The following DNAJC9 variants were observed in gnomAD, a reference collection of about 807,000 sequenced individuals.
DNAJC9 encodes DnaJ heat shock protein family (Hsp40) member C9, also known as dnaJ homolog subfamily C member 9.
Under a neutral mutation model 32.4 loss-of-function variants are expected in DNAJC9, and 18 were observed. That is an observed-to-expected ratio of 0.56 (90% CI 0.38 to 0.82). The LOEUF (loss-of-function observed/expected upper bound fraction) is 0.82. Among genes scored for constraint, DNAJC9 ranks in the 40% least tolerant of loss-of-function variants. The probability of loss-of-function intolerance (pLI) is 0.00; values close to 1 mark genes in which losing one functional copy is unlikely to be tolerated. For missense variants in DNAJC9, 310 were observed against 321.8 expected (o/e 0.96, Z 0.28); for synonymous variants, 113 against 122.1 (o/e 0.93, Z 0.49).
Position 73,247,034 on chromosome 10 carries a change from C to G in DNAJC9, c.156G>C (p.Lys52Asn). The G allele has an allele frequency of 1.3e-6, 2 of 1,534,466 alleles. No homozygotes were observed. The change falls in exon 1 of 5, where the codon AAG becomes AAC. Residue 52 changes from lysine (K) to asparagine (N), a missense_variant. By Grantham distance (94) the Lys-to-Asn change is moderately conservative. Transcript: ENST00000372950. ...VHPDRVGEGD[K>N]EDATRRFQIL... ...CCTGGAAGCGGCGGGTGGCGTCCTCCTTGTCGCCCTCACCCACCCGGTCCG... is the reference window on the plus strand; with the variant it reads ...CCTGGAAGCGGCGGGTGGCGTCCTCGTTGTCGCCCTCACCCACCCGGTCCG...
Position 73,247,046 on chromosome 10 carries a change from A to ACC in DNAJC9, c.142_143dup (p.Glu49ValfsTer63). 2 of 1,558,616 alleles carry ACC rather than the reference A, an allele frequency of 1.3e-6. No individual in the cohort carries two copies. The highest frequency in any genetic ancestry group is 1.7e-6 in the Non-Finnish European group (2 of 1,152,156). On this transcript the variant is annotated frameshift_variant, in exon 1 of 5. Coordinates refer to ENST00000372950, the MANE Select transcript of DNAJC9 (RefSeq NM_015190.5). LOFTEE classifies it high-confidence loss of function. The stretch of plus-strand genomic sequence containing the variant: ...GGGTGGCGTCCTCCTTGTCGCCCTC[A>ACC]CCCACCCGGTCCGGGTGTACCTGCA...
chr10:73,246,991 G>GT lies in DNAJC9; in HGVS notation c.180+18_180+19insA. On this transcript the variant is annotated intron_variant, in intron 1 of 4. Coordinates refer to ENST00000372950, the MANE Select transcript of DNAJC9 (RefSeq NM_015190.5). Reference sequence around the variant, plus strand: ...GAGGCCCGCGCAGCCGGTCGGCTTCGGGGCGGGACCCTGCATACCTGGAAG... The same window carrying GT: ...GAGGCCCGCGCAGCCGGTCGGCTTCGTGGGCGGGACCCTGCATACCTGGAAG... 6.4e-7 allele frequency: 1 copy of GT among 1,551,024 alleles called. No individual in the cohort carries two copies. Among genetic ancestry groups the GT allele is most frequent in the Non-Finnish European group, 8.7e-7 (1 of 1,148,686 alleles).
At chr10:73,236,194 T>C (rs1246641715), downstream of DNAJC9, among the ~76,000 whole-genome samples, 2 of 150,780 alleles carry the variant, frequency 1.3e-5, no homozygotes, top group African/African-American at 4.9e-5. Flanking sequence ...ATTAGTTTCC[T>C]AGGGCTTAAG....
downstream of DNAJC9, chr10:73,241,027 G>T: frequency 6.7e-7 from 1 of 1,494,132 alleles, no homozygotes; most frequent in South Asian, 1.2e-5. Context: ...TAAGGCAAAT[G>T]AGAAGAATCT....
downstream of DNAJC9, chr10:73,239,481 T>C: frequency 1.2e-6 from 1 of 869,356 alleles, no homozygotes; most frequent in Non-Finnish European, 1.8e-6. Context: ...TTCTTTCAGA[T>C]TTTCTTGGAT....
rs2043750600 is a variant in DNAJC9, at chr10:73,233,180, G to C, written n.147+10663C>G. 12 of 1,504,112 alleles carry C rather than the reference G, an allele frequency of 8.0e-6. No individual in the cohort carries two copies. In the East Asian group the frequency reaches 2.7e-4, roughly 34 times the overall value. 93.2% of individuals were successfully genotyped at this position (1,504,112 alleles called of 1,614,324 possible). A position where few individuals can be genotyped will look rare whatever the true frequency, so the allele number is the denominator to read the frequency against. ...AGCCCGAGTGTAGGTTTCAAAAGCA[G>C]AACTTCTGGAAACCGTGGTAAAACT... On this transcript the variant is annotated intron_variant and non_coding_transcript_variant, in intron 2 of 2. Coordinates refer to the DNAJC9 transcript ENST00000469143.
At chr10:73,244,040 A>G in intron 3 of DNAJC9, 111 bp from the exon 4 acceptor site, 3 of 822,432 alleles carry the variant, frequency 3.6e-6, no homozygotes, top group Non-Finnish European at 5.8e-6. Flanking sequence ...ATATATGAAT[A>G]GACAAAATGA....
downstream of DNAJC9, among the ~76,000 whole-genome samples, chr10:73,236,252 C>T (rs2043818765): frequency 6.6e-6 from 1 of 152,098 alleles, no homozygotes; most frequent in African/African-American, 2.4e-5. Context: ...ATTTTTTCCT[C>T]ACAGTTCCAG....
chr10:73,241,056 C>T (rs571629113), downstream of DNAJC9: 13 of 1,180,236 alleles, frequency 1.1e-5, no homozygotes, highest in East Asian at 5.2e-5. Flanking sequence ...GCAGGAAACA[C>T]GAGATTTCAT....
At chr10:73,237,088 C>T (rs550057412), downstream of DNAJC9, among the ~76,000 whole-genome samples, 1 of 152,292 alleles carries the variant, frequency 6.6e-6, no homozygotes, top group South Asian at 2.1e-4. Flanking sequence ...ATACCAGTCG[C>T]TGAATTTAGG....
chr10:73,246,606 T>C, intron 2 of DNAJC9, 82 bp downstream of exon 2: 4 of 1,490,970 alleles, frequency 2.7e-6, no homozygotes, highest in South Asian at 1.2e-5. Flanking sequence ...TAACACAAAA[T>C]ACAAGATCTT....
In DNAJC9 at chr10:73,243,916, G is replaced by T; in HGVS notation, c.590C>A (p.Ala197Asp). ...CTTTCTGCTCATTTCTGCTTCTTTG[G>T]CCTCTTCCTGAGCCTGAAACAGGAA... Reference protein sequence around the residue: ...NARKRRAQEEAKEAEMSRKEL... With the variant: ...NARKRRAQEEDKEAEMSRKEL... Residue 197 changes from alanine (A) to aspartate (D), a missense_variant, in exon 4 of 5, where the codon GCC becomes GAC. By Grantham distance (126) the Ala-to-Asp change is moderately radical. Coordinates refer to ENST00000372950, the MANE Select transcript of DNAJC9 (RefSeq NM_015190.5). The T allele has an allele frequency of 6.2e-7, 1 of 1,613,880 alleles. No homozygotes were observed. The highest frequency in any genetic ancestry group is 8.5e-7 in the Non-Finnish European group (1 of 1,179,956).
chr10:73,240,062 C>G (rs576042407), downstream of DNAJC9, among the ~76,000 whole-genome samples: 2 of 152,230 alleles, frequency 1.3e-5, no homozygotes, highest in South Asian at 4.1e-4. Context: ...ATAGCTAGGG[C>G]TACAAGCAGT....
downstream of DNAJC9, among the ~76,000 whole-genome samples, chr10:73,236,012 T>TG (rs890509033): frequency 6.6e-6 from 1 of 152,158 alleles, no homozygotes; most frequent in Admixed American, 6.5e-5. Flanking sequence ...CAAGAGCACT[T>TG]GGAGAGCCTG....
At chr10:73,239,276 T>C (rs772436910), downstream of DNAJC9, 2 of 1,495,126 alleles carry the variant, frequency 1.3e-6, no homozygotes, top group Non-Finnish European at 1.8e-6. Context: ...TGTGAGAAGA[T>C]GCATCATAAG....
Position 73,246,023 on chromosome 10 carries a change from T to C in DNAJC9, c.475A>G (p.Ile159Val), listed in dbSNP as rs373818198. 3.7e-6 allele frequency: 6 copies of C among 1,613,734 alleles called. No individual in the cohort carries two copies. The highest frequency in any genetic ancestry group is 4.2e-6 in the Non-Finnish European group (5 of 1,179,850). The part of the protein sequence containing the change: ...LCVQYTEEPR[I>V]RNIIQQAIDA... ...ATAGCTTGCTGAATGATATTCCTTA[T>C]CCTGGGTTCCTCTGTGTACTGCACG... The change falls in exon 3 of 5, where the codon ATA becomes GTA. Residue 159 changes from isoleucine to valine, a missense_variant. Coordinates refer to ENST00000372950, the MANE Select transcript of DNAJC9 (RefSeq NM_015190.5).
chr10:73,241,487 T>A (rs1303644991), downstream of DNAJC9: 5 of 167,898 alleles, frequency 3.0e-5, no homozygotes, highest in South Asian at 3.0e-4. Context: ...TCTGACCTCA[T>A]CAAATAGATG....
Position 73,242,972 on chromosome 10 carries a change from C to T in DNAJC9, c.*428G>A, listed in dbSNP as rs1402519341. 3.6e-5 allele frequency: 6 copies of T among 166,066 alleles called. No individual in the cohort carries two copies. The highest frequency in any genetic ancestry group is 1.4e-4 in the African/African-American group (6 of 41,572). The allele number at this position is 166,066 out of a possible 1,614,324, so 10.3% of individuals were successfully genotyped here. On this transcript the variant is annotated 3_prime_UTR_variant, in exon 5 of 5. Transcript: ENST00000372950. Reference sequence around the variant, plus strand: ...CAAGATCATTAAGACCAAATGTAAACTGGGAAGTATGTGGAAGATAGCTGT... The same window carrying T: ...CAAGATCATTAAGACCAAATGTAAATTGGGAAGTATGTGGAAGATAGCTGT...
rs2043963618 is a variant in DNAJC9, at chr10:73,242,299, C to T, written c.*1101G>A. 1 of 152,086 alleles carries T rather than the reference C, an allele frequency of 6.6e-6. No homozygotes were observed. Among genetic ancestry groups the T allele is most frequent in the Admixed American group, 6.5e-5 (1 of 15,278 alleles). 9.4% of individuals were successfully genotyped at this position (152,086 alleles called of 1,614,324 possible). A position where few individuals can be genotyped will look rare whatever the true frequency, so the allele number is the denominator to read the frequency against. ...GATTTAAACAGTCCCTTAAAAATTC[C>T]ATATATTCTCATACCAACTCATCTA... On this transcript the variant is annotated 3_prime_UTR_variant, in exon 5 of 5. Coordinates refer to ENST00000372950, the MANE Select transcript of DNAJC9 (RefSeq NM_015190.5).
Sources: gnomAD v4.1 joint callset for allele counts (sites outside exome capture counted in the v4.1 genomes callset) on GRCh38, gnomAD v4.1.1 for gene constraint, MANE v1.5 for transcripts, NCBI Gene and HGNC (gene_info 2026-07-23, HGNC 2026-07-21) for gene names.